The following MICAL2 variants were observed in gnomAD, a reference collection of about 807,000 sequenced individuals.
MICAL2 encodes the protein microtubule associated monooxygenase, calponin and LIM domain containing 2.
Under a neutral mutation model 127.3 loss-of-function variants are expected in MICAL2, and 77 were observed. The observed-to-expected ratio is 0.60, with a 90% CI of 0.50 to 0.73. MICAL2 has a LOEUF of 0.73. Among genes scored for constraint, MICAL2 ranks in the 30% least tolerant of loss-of-function variants. The probability of loss-of-function intolerance (pLI) is 0.00; values close to 1 mark genes in which losing one functional copy is unlikely to be tolerated. For synonymous variants in MICAL2, 570 were observed against 551.1 expected (o/e 1.03, Z -0.48); for missense variants, 1,351 against 1,434.4 (o/e 0.94, Z 0.94).
intron 32 of MICAL2, among the ~76,000 whole-genome samples, chr11:12,336,486 T>G (rs947946963): frequency 6.6e-6 from 1 of 152,236 alleles, no homozygotes; most frequent in Non-Finnish European, 1.5e-5. Context: ...CTTCCAAAAC[T>G]ATGTTGAATA....
At chr11:12,160,994 C>A (rs1003280311) in intron 2 of MICAL2, among the ~76,000 whole-genome samples, 1 of 152,224 alleles carries the variant, frequency 6.6e-6, no homozygotes, top group Non-Finnish European at 1.5e-5. Flanking sequence ...TGCCGTGAGG[C>A]CTGCGCTCTG....
In MICAL2 at chr11:12,249,182, AG is replaced by A; in HGVS notation, c.2785del. On this transcript the variant is annotated splice_acceptor_variant, in intron 21 of 27. Coordinates refer to ENST00000683283, the MANE Select transcript of MICAL2 (RefSeq NM_001282663.2). LOFTEE classifies it high-confidence loss of function. ...TGCATGTTGATCCCTCTCTTTCTAA[AG>A]GAAAAGAAGTCACCTTCAGGGTTCC... 1 of 1,613,882 alleles carries A rather than the reference AG, an allele frequency of 6.2e-7. No individual in the cohort carries two copies. Among genetic ancestry groups the A allele is most frequent in the Non-Finnish European group, 8.5e-7 (1 of 1,179,828 alleles).
chr11:12,259,983 G>A (rs1270792993), intron 26 of MICAL2, 86 bp downstream of exon 26: 1 of 1,563,000 alleles, frequency 6.4e-7, no homozygotes, highest in Non-Finnish European at 8.7e-7. Flanking sequence ...AGGGACTCCT[G>A]CAAGCTGCTG....
chr11:12,155,431 T>C (rs10741567), intron 2 of MICAL2, among the ~76,000 whole-genome samples: 110,135 of 152,070 alleles, frequency 0.72, 40,387 homozygotes, highest in Middle Eastern at 0.85. Context: ...TACACAAACA[T>C]GCATATATAC....
chr11:12,175,796 T>A (rs1374229115), intron 3 of MICAL2, among the ~76,000 whole-genome samples: 1 of 152,090 alleles, frequency 6.6e-6, no homozygotes, highest in Non-Finnish European at 1.5e-5. Flanking sequence ...GAGCAGCAGG[T>A]ACAGAGGTGC....
intron 2 of MICAL2, among the ~76,000 whole-genome samples, chr11:12,148,322 G>A (rs1430081517): frequency 6.6e-6 from 1 of 152,074 alleles, no homozygotes; most frequent in East Asian, 1.9e-4. Context: ...GCAGCCACAG[G>A]ATAAGCCCAA....
chr11:12,223,741 C>A (rs1456965873), intron 12 of MICAL2, among the ~76,000 whole-genome samples: 1 of 152,210 alleles, frequency 6.6e-6, no homozygotes. Context: ...TCGAGAGCTT[C>A]ACACAGTAAA....
chr11:12,113,944 G>A (rs1849797765), intron 1 of MICAL2, among the ~76,000 whole-genome samples: 1 of 152,124 alleles, frequency 6.6e-6, no homozygotes, highest in African/African-American at 2.4e-5. Flanking sequence ...CAGAAACTTG[G>A]CAGATTTATT....
intron 29 of MICAL2, among the ~76,000 whole-genome samples, chr11:12,316,182 A>T (rs1864229524): frequency 6.6e-6 from 1 of 152,022 alleles, no homozygotes; most frequent in Non-Finnish European, 1.5e-5. Context: ...TATTATAGAC[A>T]ATATATAGCA....
At chr11:12,219,901 C>T (rs79412233) in intron 8 of MICAL2, among the ~76,000 whole-genome samples, 10,243 of 152,266 alleles carry the variant, frequency 0.067, 493 homozygotes, top group Non-Finnish European at 0.097. Context: ...AAATTGCCTC[C>T]CCTGAGGAAT....
chr11:12,143,221 T>C (rs577059279), intron 2 of MICAL2, among the ~76,000 whole-genome samples: 1 of 152,230 alleles, frequency 6.6e-6, no homozygotes, highest in Admixed American at 6.5e-5. Context: ...CCAAGGAAAC[T>C]GGGTGGAGGT....
downstream of MICAL2, chr11:12,293,616 C>G: frequency 1.2e-6 from 2 of 1,614,056 alleles, no homozygotes; most frequent in Non-Finnish European, 1.7e-6. Flanking sequence ...AGTCCTCCCA[C>G]CCCAAACTTT....
At position 12,263,606 on chromosome 11, in the gene MICAL2, C is replaced by A. The variant is rs1010303354; in HGVS notation, c.*64C>A. On this transcript the variant is annotated 3_prime_UTR_variant, in exon 28 of 28. Coordinates refer to ENST00000683283, the MANE Select transcript of MICAL2 (RefSeq NM_001282663.2). ...TGTCAACCAAAGAGTGCCCTCCTCC[C>A]CTCTCAGCCTCCTCTTTAGCTAGCC... 4 of 152,792 alleles carry A rather than the reference C, an allele frequency of 2.6e-5. No individual in the cohort carries two copies. The highest frequency in any genetic ancestry group is 1.3e-4 in the Admixed American group (2 of 15,294). The allele number at this position is 152,792 out of a possible 1,614,324, so 9.5% of individuals were successfully genotyped here.
chr11:12,334,944 T>G (rs1236020908), intron 32 of MICAL2, among the ~76,000 whole-genome samples: 3 of 152,154 alleles, frequency 2.0e-5, no homozygotes, highest in Admixed American at 6.5e-5. Flanking sequence ...GCAGCATGAC[T>G]TATAATCCTT....
chr11:12,114,017 TG>T (rs1483235127), intron 1 of MICAL2, among the ~76,000 whole-genome samples: 2 of 152,254 alleles, frequency 1.3e-5, no homozygotes, highest in Non-Finnish European at 2.9e-5. Flanking sequence ...ATGCGAGCTA[TG>T]TCCATGAGGG....
At chr11:12,281,974 C>T (rs4757334) in intron 2 of MICAL2, among the ~76,000 whole-genome samples, 43,058 of 152,044 alleles carry the variant, frequency 0.28, 7,226 homozygotes, top group East Asian at 0.71. Flanking sequence ...GCCCAATGGC[C>T]CCACAGCCTT....
rs1335343663 is a variant in MICAL2, at chr11:12,162,283, C to T, written c.128C>T (p.Pro43Leu). Residue 43 changes from proline to leucine, a missense_variant, in exon 3 of 28, where the codon CCT (proline) becomes CTT (leucine). Pro to Leu is a moderately conservative substitution (Grantham distance 98). Around this residue, in one of 2 missense-constraint regions of MICAL2, gnomAD observed 599 missense variants for 714.9 expected, o/e 0.84. Coordinates refer to ENST00000683283, the MANE Select transcript of MICAL2 (RefSeq NM_001282663.2). ...CTCACACGACACCTGGACCTAGACC[C>T]TCTGGACCACAGAAACTTTTATTCC... ...NILTRHLDLD[P>L]LDHRNFYSKL... 12 of 1,614,234 alleles carry T rather than the reference C, an allele frequency of 7.4e-6. No homozygotes were observed. The highest frequency in any genetic ancestry group is 1.0e-5 in the Non-Finnish European group (12 of 1,180,036).
chr11:12,266,256 C>T (rs969318343), downstream of MICAL2, among the ~76,000 whole-genome samples: 4 of 152,084 alleles, frequency 2.6e-5, no homozygotes, highest in Non-Finnish European at 4.4e-5. Flanking sequence ...ATTATGGCAA[C>T]CCTGATTAAG....
chr11:12,318,975 C>T (rs1864261388), intron 29 of MICAL2, among the ~76,000 whole-genome samples: 1 of 152,206 alleles, frequency 6.6e-6, no homozygotes, highest in South Asian at 2.1e-4. Context: ...CTATCTTAAA[C>T]TGCCTTTCCT....
Sources: gnomAD v4.1 joint callset for allele counts (sites outside exome capture counted in the v4.1 genomes callset) on GRCh38, gnomAD v4.1.1 for gene constraint, gnomAD v4.1.1 regional missense constraint, MANE v1.5 for transcripts, NCBI Gene and HGNC (gene_info 2026-07-23, HGNC 2026-07-21) for gene names.